Variants in RPAP2 observed in about 807,000 individuals in gnomAD.
RPAP2 encodes the protein putative RNA polymerase II subunit B1 CTD phosphatase RPAP2.
Under a neutral mutation model 73.1 loss-of-function variants are expected in RPAP2, and 52 were observed. The ratio of observed to expected loss-of-function variants is 0.71; its 90% CI spans 0.57 to 0.90. RPAP2 has a LOEUF of 0.90. Among genes scored for constraint, RPAP2 ranks in the 40% least tolerant of loss-of-function variants. The pLI is 0.00. For missense variants in RPAP2, 598 were observed against 701.8 expected (o/e 0.85, Z 1.67); for synonymous variants, 225 against 242.1 (o/e 0.93, Z 0.65).
chr1:92,366,256 T>G (rs1029429023), intron 11 of RPAP2, among the ~76,000 whole-genome samples: 4 of 152,168 alleles, frequency 2.6e-5, no homozygotes, highest in Non-Finnish European at 5.9e-5. Flanking sequence ...TGAGCTGTGA[T>G]TGCACCACTG....
At chr1:92,383,324 A>G (rs1655727588) in intron 12 of RPAP2, among the ~76,000 whole-genome samples, 1 of 152,202 alleles carries the variant, frequency 6.6e-6, no homozygotes, top group Non-Finnish European at 1.5e-5. Flanking sequence ...TGGTAGCTTT[A>G]TGGGGATGGC....
At chr1:92,301,011 GT>G (rs1213540806) in intron 2 of RPAP2, among the ~76,000 whole-genome samples, 1 of 152,238 alleles carries the variant, frequency 6.6e-6, no homozygotes, top group African/African-American at 2.4e-5. Flanking sequence ...GTCTAATTTA[GT>G]TGGAGGTGGG....
rs1203324943 is a variant in RPAP2, at chr1:92,324,016, T to C, written c.1096T>C (p.Leu366=). The change falls in exon 8 of 13, where the codon TTA becomes CTA. Residue 366 remains leucine (L), a synonymous_variant. Coordinates refer to ENST00000610020, the MANE Select transcript of RPAP2 (RefSeq NM_024813.3). Reference sequence around the variant, plus strand: ...GTGTCCTGAAGTTGGAAAGAGAAACTTACTTAAAGTTTTGAAGGAGACTTT... The same window carrying C: ...GTGTCCTGAAGTTGGAAAGAGAAACCTACTTAAAGTTTTGAAGGAGACTTT... The part of the protein sequence containing the change: ...QVCPEVGKRN[L]LKVLKETLIE... The C allele has an allele frequency of 1.2e-6, 2 of 1,613,796 alleles. No homozygotes were observed. The highest frequency in any genetic ancestry group is 4.5e-5 in the East Asian group (2 of 44,892).
intron 11 of RPAP2, among the ~76,000 whole-genome samples, chr1:92,353,238 ACT>A (rs914110067): frequency 6.6e-6 from 1 of 152,124 alleles, no homozygotes; most frequent in Non-Finnish European, 1.5e-5. Context: ...TCATATGATA[ACT>A]CTGTTTAACC....
At chr1:92,381,813 A>G (rs932184768) in intron 12 of RPAP2, among the ~76,000 whole-genome samples, 8 of 151,802 alleles carry the variant, frequency 5.3e-5, no homozygotes, top group African/African-American at 1.9e-4. Flanking sequence ...GTACATGTGC[A>G]CAATGTGCAG....
At chr1:92,366,355 T>C (rs1395282115) in intron 11 of RPAP2, among the ~76,000 whole-genome samples, 1 of 152,190 alleles carries the variant, frequency 6.6e-6, no homozygotes, top group Non-Finnish European at 1.5e-5. Flanking sequence ...GGCATTTGTT[T>C]CCTTATCAAT....
chr1:92,361,302 T>C (rs1301680973), intron 11 of RPAP2, among the ~76,000 whole-genome samples: 2 of 152,110 alleles, frequency 1.3e-5, no homozygotes, highest in African/African-American at 4.8e-5. Flanking sequence ...ATAATCTCCA[T>C]GCAGTCAAAT....
At chr1:92,329,623 T>A (rs113342930) in intron 8 of RPAP2, among the ~76,000 whole-genome samples, 2,595 of 152,336 alleles carry the variant, frequency 0.017, 40 homozygotes, top group Non-Finnish European at 0.023. Context: ...AGTCTCCACA[T>A]GCCGCTCTGT....
At chr1:92,386,659 A>AC (rs1655874367) in intron 12 of RPAP2, among the ~76,000 whole-genome samples, 2 of 152,212 alleles carry the variant, frequency 1.3e-5, no homozygotes, top group Admixed American at 1.3e-4. Context: ...CACAGTGTCT[A>AC]CAACAGCTAG....
intron 11 of RPAP2, among the ~76,000 whole-genome samples, chr1:92,360,023 C>T (rs750217223): frequency 2.6e-5 from 4 of 152,034 alleles, no homozygotes; most frequent in Admixed American, 6.5e-5. Context: ...TTCCACTCAC[C>T]AACGGAAGAA....
intron 10 of RPAP2, among the ~76,000 whole-genome samples, chr1:92,338,648 A>T (rs1473539116): frequency 7.0e-6 from 1 of 142,690 alleles, no homozygotes; most frequent in African/African-American, 2.6e-5. Context: ...CTGATCATTG[A>T]TTTTTTTTTT....
chr1:92,378,014 A>T (rs2101441204), intron 11 of RPAP2, among the ~76,000 whole-genome samples: 1 of 152,340 alleles, frequency 6.6e-6, no homozygotes, highest in South Asian at 2.1e-4. Context: ...GAAATCTAGT[A>T]GTCACCATTT....
chr1:92,377,042 G>C (rs1292611691), intron 11 of RPAP2, among the ~76,000 whole-genome samples: 1 of 152,126 alleles, frequency 6.6e-6, no homozygotes, highest in Non-Finnish European at 1.5e-5. Context: ...AATGTTAGTT[G>C]ATAATATAAC....
At chr1:92,324,523 C>A (rs759077914) in intron 8 of RPAP2, 148 bp downstream of exon 8, 2 of 638,752 alleles carry the variant, frequency 3.1e-6, no homozygotes, top group Non-Finnish European at 2.7e-6. Flanking sequence ...GTTTACAGTG[C>A]CATCTCCACT....
chr1:92,374,807 C>T (rs1433197547), intron 11 of RPAP2, among the ~76,000 whole-genome samples: 4 of 152,022 alleles, frequency 2.6e-5, no homozygotes, highest in Non-Finnish European at 5.9e-5. Context: ...AGTAATAAAA[C>T]ATAAAGTTGA....
rs1656048704 is a variant in RPAP2, at chr1:92,391,785, G to T, written c.*4774G>T. 6.6e-6 allele frequency: 1 copy of T among 152,154 alleles called. No homozygotes were observed. Among genetic ancestry groups the T allele is most frequent in the Admixed American group, 6.5e-5 (1 of 15,276 alleles). 9.4% of individuals were successfully genotyped at this position (152,154 alleles called of 1,614,324 possible). ...CACAAATAAACTAGAAAATCTAGAAGAAATGGATAAATTCCTCGACACATA... is the reference window on the plus strand; with the variant it reads ...CACAAATAAACTAGAAAATCTAGAATAAATGGATAAATTCCTCGACACATA... On this transcript the variant is annotated 3_prime_UTR_variant, in exon 13 of 13. Transcript: ENST00000610020.
rs1160569566 is a variant in RPAP2, at chr1:92,397,757, A to G, written c.*10746A>G. The G allele has an allele frequency of 6.6e-6, 1 of 152,244 alleles. No homozygotes were observed. The highest frequency in any genetic ancestry group is 6.5e-5 in the Admixed American group (1 of 15,284). The allele number at this position is 152,244 out of a possible 1,614,324, so 9.4% of individuals were successfully genotyped here. ...ATAGCTAGGTTCTAAGGCTAGAGCC[A>G]AAAAAATGCAAGATAAGCCTGGAGC... On this transcript the variant is annotated 3_prime_UTR_variant, in exon 13 of 13. Transcript: ENST00000610020.
chr1:92,376,261 G>T (rs1189271447), intron 11 of RPAP2, among the ~76,000 whole-genome samples: 2 of 152,006 alleles, frequency 1.3e-5, no homozygotes, highest in African/African-American at 4.8e-5. Context: ...TCCATGGGAG[G>T]TCCTGGAGCC....
chr1:92,340,839 T>G (rs1270073280), intron 10 of RPAP2, among the ~76,000 whole-genome samples: 1 of 152,182 alleles, frequency 6.6e-6, no homozygotes, highest in African/African-American at 2.4e-5. Flanking sequence ...GCAGTTTCCA[T>G]CAGAATCTGC....
Sources: allele counts gnomAD v4.1 joint callset (sites outside exome capture counted in the v4.1 genomes callset), GRCh38; gene constraint gnomAD v4.1.1; transcripts MANE v1.5; gene names NCBI Gene and HGNC (gene_info 2026-07-23, HGNC 2026-07-21).